Variants in NRXN3 observed in about 807,000 individuals in gnomAD.
NRXN3 encodes neurexin 3, also known as neurexin III.
In NRXN3, 32 loss-of-function variants were observed where a neutral mutation model predicts 137.6. That is an observed-to-expected ratio of 0.23 (90% CI 0.18 to 0.31). The LOEUF (loss-of-function observed/expected upper bound fraction) is 0.31, where lower values mean the gene tolerates loss of function less well. NRXN3 is among the 10% of genes least tolerant of loss of function. The pLI is 1.00. For synonymous variants in NRXN3, 798 were observed against 784.5 expected, an observed-to-expected ratio of 1.02 and a Z score of -0.29; for missense variants, 1,574 against 2,062.5, an observed-to-expected ratio of 0.76 and a Z score of 4.59.
At chr14:78,983,533 T>C (rs896208722) in intron 14 of NRXN3, among the ~76,000 whole-genome samples, 2 of 152,126 alleles carry the variant, frequency 1.3e-5, no homozygotes, top group Non-Finnish European at 2.9e-5. Flanking sequence ...TAGATAATAG[T>C]CCCTTAACAG....
At chr14:79,032,259 C>T (rs2152495777) in intron 15 of NRXN3, among the ~76,000 whole-genome samples, 1 of 152,264 alleles carries the variant, frequency 6.6e-6, no homozygotes, top group African/African-American at 2.4e-5. Context: ...ATAGCAATAA[C>T]ATTGAATTCA....
intron 10 of NRXN3, among the ~76,000 whole-genome samples, chr14:78,913,797 G>A (rs1041068494): frequency 1.1e-4 from 16 of 152,086 alleles, no homozygotes; most frequent in South Asian, 6.2e-4. Context: ...TTTGTTTGGA[G>A]ATGCCTCATG....
chr14:78,313,602 C>A (rs1182939691), intron 4 of NRXN3, among the ~76,000 whole-genome samples: 1 of 152,090 alleles, frequency 6.6e-6, no homozygotes, highest in Non-Finnish European at 1.5e-5. Flanking sequence ...AAGCTAGTTA[C>A]AGAGCTAGCA....
At chr14:78,973,781 G>A (rs1025702771) in intron 14 of NRXN3, among the ~76,000 whole-genome samples, 1 of 152,134 alleles carries the variant, frequency 6.6e-6, no homozygotes, top group African/African-American at 2.4e-5. Flanking sequence ...TTGGCTGATT[G>A]TCAAGCAGGA....
intron 16 of NRXN3, among the ~76,000 whole-genome samples, chr14:79,552,480 C>T: frequency 6.6e-6 from 1 of 151,936 alleles, no homozygotes; most frequent in East Asian, 1.9e-4. Context: ...TTTAAGTTTG[C>T]TGAAATAAAC....
At chr14:78,443,503 A>C (rs1037146291) in intron 4 of NRXN3, among the ~76,000 whole-genome samples, 3 of 152,146 alleles carry the variant, frequency 2.0e-5, no homozygotes, top group African/African-American at 7.2e-5. Flanking sequence ...TATATCTAGT[A>C]TAGTTTATAT....
At chr14:79,613,806 C>T (rs1286828897) in intron 16 of NRXN3, among the ~76,000 whole-genome samples, 1 of 152,234 alleles carries the variant, frequency 6.6e-6, no homozygotes, top group Non-Finnish European at 1.5e-5. Context: ...CTGTCTAAGT[C>T]AACCTTTCAT....
intron 4 of NRXN3, among the ~76,000 whole-genome samples, chr14:78,313,217 G>T (rs928697856): frequency 2.0e-5 from 3 of 152,168 alleles, no homozygotes; most frequent in South Asian, 2.1e-4. Flanking sequence ...TGTCTCTCTT[G>T]CATGCCTTAT....
At chr14:79,437,495 C>T (rs187330148) in intron 15 of NRXN3, among the ~76,000 whole-genome samples, 8 of 152,044 alleles carry the variant, frequency 5.3e-5, no homozygotes, top group Non-Finnish European at 1.2e-4. Flanking sequence ...ATCGAATTTG[C>T]ATTGTCTTTG....
intron 16 of NRXN3, among the ~76,000 whole-genome samples, chr14:79,492,675 C>T (rs2096728638): frequency 6.6e-6 from 1 of 152,162 alleles, no homozygotes; most frequent in South Asian, 2.1e-4. Flanking sequence ...AGCCACCATG[C>T]CTGGCTAATG....
chr14:78,648,695 A>G (rs1304552594), intron 5 of NRXN3, among the ~76,000 whole-genome samples: 1 of 152,208 alleles, frequency 6.6e-6, no homozygotes, highest in African/African-American at 2.4e-5. Flanking sequence ...AAATGCTTTA[A>G]GTTTTTTCCT....
Position 78,711,432 on chromosome 14 carries a change from C to CTTT in NRXN3, c.1660+1778_1660+1779insTTT, listed in dbSNP as rs1254367279. On this transcript the variant is annotated intron_variant, in intron 7 of 20. Transcript: ENST00000335750. ...AGCTAAAGCACTGGCTAATTCTTTT[C>CTTT]TCTTTTTTTTTTTTTTTTTTTTTTT... 1.4e-3 allele frequency among the ~76,000 whole-genome samples: 145 copies of CTTT among 103,184 alleles called. 5 individuals are homozygous for CTTT. The highest frequency in any genetic ancestry group is 5.2e-3 in the African/African-American group (140 of 26,782). The allele number at this position is 103,184 out of a possible 152,430, so 67.7% of individuals were successfully genotyped here.
chr14:78,562,279 C>T (rs2096793656), intron 4 of NRXN3, among the ~76,000 whole-genome samples: 1 of 151,656 alleles, frequency 6.6e-6, no homozygotes, highest in African/African-American at 2.4e-5. Context: ...CCCCTGTAGT[C>T]CCGGCTACTC....
intron 6 of NRXN3, among the ~76,000 whole-genome samples, chr14:78,652,554 T>C (rs544228168): frequency 1.2e-4 from 19 of 152,374 alleles, no homozygotes; most frequent in African/African-American, 4.1e-4. Context: ...GTGTTCCTTC[T>C]TGTAGATAAC....
intron 15 of NRXN3, among the ~76,000 whole-genome samples, chr14:79,036,957 A>G (rs1411897187): frequency 1.3e-5 from 2 of 152,056 alleles, no homozygotes; most frequent in Admixed American, 6.6e-5. Context: ...GTCTGAAACA[A>G]TTGCCGACCA....
At chr14:78,576,846 TATG>T (rs889295096) in intron 4 of NRXN3, among the ~76,000 whole-genome samples, 8 of 152,310 alleles carry the variant, frequency 5.3e-5, no homozygotes, top group African/African-American at 1.7e-4. Flanking sequence ...TTTCAAGGCT[TATG>T]ATAGATGTTT....
intron 4 of NRXN3, among the ~76,000 whole-genome samples, chr14:78,603,073 T>C (rs980868292): frequency 8.6e-5 from 13 of 152,042 alleles, no homozygotes; most frequent in African/African-American, 3.1e-4. Context: ...TGAGAGGTAG[T>C]AGACAGTGGA....
chr14:79,158,485 A>G (rs2060463237), intron 15 of NRXN3, among the ~76,000 whole-genome samples: 1 of 151,832 alleles, frequency 6.6e-6, no homozygotes, highest in African/African-American at 2.4e-5. Flanking sequence ...GGAAGATGTG[A>G]TTTGATGTTA....
intron 15 of NRXN3, among the ~76,000 whole-genome samples, chr14:79,097,311 T>A (rs8005334): frequency 2.6e-5 from 4 of 151,934 alleles, no homozygotes; most frequent in African/African-American, 7.3e-5. Context: ...ACTGTAACCC[T>A]AGGAGTTTGG....
Sources: gnomAD v4.1 joint callset for allele counts (sites outside exome capture counted in the v4.1 genomes callset) on GRCh38, gnomAD v4.1.1 for gene constraint, MANE v1.5 for transcripts, NCBI Gene and HGNC (gene_info 2026-07-23, HGNC 2026-07-21) for gene names.